MED27: variants seen among roughly 807,000 people sequenced by gnomAD.
MED27 encodes mediator of RNA polymerase II transcription subunit 27.
In MED27, 30 loss-of-function variants were observed where a neutral mutation model predicts 38.2. That is an observed-to-expected ratio of 0.79 (90% CI 0.59 to 1.07). The LOEUF is 1.07. MED27 is among the 50% of genes least tolerant of loss of function. MED27 has a pLI of 0.00. For synonymous variants in MED27, 122 were observed against 153.5 expected, an observed-to-expected ratio of 0.79 and a Z score of 1.52; for missense variants, 289 against 397.5, an observed-to-expected ratio of 0.73 and a Z score of 2.32.
chr9:131,881,857 T>G (rs769781595), intron 6 of MED27, among the ~76,000 whole-genome samples: 4 of 133,112 alleles, frequency 3.0e-5, no homozygotes, highest in Non-Finnish European at 6.2e-5. Flanking sequence ...CAGGCTGGAG[T>G]GCAGTGGCTC....
At chr9:131,869,702 C>T (rs917634873) in intron 6 of MED27, among the ~76,000 whole-genome samples, 3 of 152,084 alleles carry the variant, frequency 2.0e-5, no homozygotes, top group Non-Finnish European at 1.5e-5. Flanking sequence ...AAGAGGAATG[C>T]GGGGATGGGG....
chr9:131,924,629 C>G (rs1004214453), intron 4 of MED27, among the ~76,000 whole-genome samples: 2 of 152,070 alleles, frequency 1.3e-5, no homozygotes, highest in African/African-American at 4.8e-5. Context: ...ACTCAATTTC[C>G]ACATGTACTT....
At chr9:131,998,531 C>T (rs141303076) in intron 3 of MED27, among the ~76,000 whole-genome samples, 63 of 152,222 alleles carry the variant, frequency 4.1e-4, no homozygotes, top group African/African-American at 1.5e-3. Flanking sequence ...GTTTTCATGA[C>T]GCTCTAAATA....
chr9:131,965,301 T>C (rs1331425826), intron 3 of MED27, among the ~76,000 whole-genome samples: 2 of 152,208 alleles, frequency 1.3e-5, no homozygotes, highest in Non-Finnish European at 2.9e-5. Flanking sequence ...AATGTGCTTC[T>C]AGCGCGAGGC....
At chr9:131,884,512 C>G (rs1356813842) in intron 5 of MED27, among the ~76,000 whole-genome samples, 2 of 152,150 alleles carry the variant, frequency 1.3e-5, no homozygotes, top group Non-Finnish European at 2.9e-5. Context: ...TTCTTATACT[C>G]CCTTGAGCTC....
chr9:132,075,571 G>A (rs1352511938), intron 2 of MED27, among the ~76,000 whole-genome samples: 1 of 152,188 alleles, frequency 6.6e-6, no homozygotes, highest in Non-Finnish European at 1.5e-5. Flanking sequence ...GGTGGGGGTT[G>A]AAGTAGGAAC....
chr9:131,882,857 G>A (rs1839072162), intron 6 of MED27, among the ~76,000 whole-genome samples: 1 of 151,792 alleles, frequency 6.6e-6, no homozygotes, highest in Non-Finnish European at 1.5e-5. Context: ...AGTTTCCTCT[G>A]TGGCCCTGGC....
chr9:132,005,377 T>C (rs1464291285), intron 3 of MED27, among the ~76,000 whole-genome samples: 6 of 152,332 alleles, frequency 3.9e-5, no homozygotes, highest in Non-Finnish European at 7.3e-5. Flanking sequence ...AGGCAAGGCC[T>C]TTCTCTGTTC....
intron 3 of MED27, among the ~76,000 whole-genome samples, chr9:131,942,155 A>G (rs1830800296): frequency 1.3e-5 from 2 of 152,208 alleles, no homozygotes; most frequent in Admixed American, 1.3e-4. Context: ...TTAATAAACA[A>G]TCTTTCCTGG....
At chr9:132,012,718 C>T (rs1340463073) in intron 3 of MED27, among the ~76,000 whole-genome samples, 1 of 152,086 alleles carries the variant, frequency 6.6e-6, no homozygotes, top group Non-Finnish European at 1.5e-5. Context: ...CTCTGTAGTC[C>T]CTTCCTAGCA....
chr9:131,992,144 A>G (rs1175541314), intron 3 of MED27, among the ~76,000 whole-genome samples: 1 of 152,208 alleles, frequency 6.6e-6, no homozygotes, highest in Admixed American at 6.5e-5. Context: ...TGTTAAGAAA[A>G]CAATGTCCTT....
intron 3 of MED27, among the ~76,000 whole-genome samples, chr9:131,962,620 T>C (rs1415502116): frequency 6.6e-6 from 1 of 152,170 alleles, no homozygotes; most frequent in Admixed American, 6.5e-5. Context: ...GGTCATAGTT[T>C]ACATGTAATC....
intron 3 of MED27, among the ~76,000 whole-genome samples, chr9:131,969,748 G>A (rs1344128635): frequency 6.6e-6 from 1 of 152,178 alleles, no homozygotes; most frequent in East Asian, 1.9e-4. Context: ...GTGGCTACTT[G>A]GAGGTGGTCA....
chr9:132,036,486 GC>G (rs1272270969), intron 2 of MED27, among the ~76,000 whole-genome samples: 1 of 152,230 alleles, frequency 6.6e-6, no homozygotes, highest in Non-Finnish European at 1.5e-5. Context: ...ACATGTGTGA[GC>G]CACTGCGTCT....
intron 3 of MED27, among the ~76,000 whole-genome samples, chr9:131,994,240 G>A (rs778400242): frequency 7.2e-5 from 11 of 152,204 alleles, no homozygotes; most frequent in Admixed American, 1.3e-4. Context: ...GGAACCTATC[G>A]ATGATGCTAA....
At chr9:132,048,506 T>A (rs967337305) in intron 2 of MED27, among the ~76,000 whole-genome samples, 4 of 152,226 alleles carry the variant, frequency 2.6e-5, no homozygotes, top group Admixed American at 2.6e-4. Flanking sequence ...AATTACAGAA[T>A]GTCAAGCTGT....
At position 131,883,176 on chromosome 9, in the gene MED27, G is replaced by A. The variant is rs1564267450; in HGVS notation, c.723+882C>T. 6.6e-6 allele frequency among the ~76,000 whole-genome samples: 1 copy of A among 152,210 alleles called. No homozygotes were observed. Among genetic ancestry groups the A allele is most frequent in the Non-Finnish European group, 1.5e-5 (1 of 68,036 alleles). ...CCTACCTTGGCCTCCCAAAGTGCTGGGGAGTGGACACCTGTTGTTGAGCTG... is the reference window on the plus strand; with the variant it reads ...CCTACCTTGGCCTCCCAAAGTGCTGAGGAGTGGACACCTGTTGTTGAGCTG... On this transcript the variant is annotated intron_variant, in intron 6 of 7. Transcript: ENST00000292035. The surrounding 1 kb of genome is among the most constrained non-coding windows in gnomAD (Gnocchi z 4.2).
chr9:132,018,587 C>G (rs1275068848), intron 2 of MED27, among the ~76,000 whole-genome samples: 1 of 152,190 alleles, frequency 6.6e-6, no homozygotes, highest in Non-Finnish European at 1.5e-5. Context: ...ATTCATCACA[C>G]CGATCATGTT....
chr9:131,964,281 TG>T (rs1458130208), intron 3 of MED27, among the ~76,000 whole-genome samples: 2 of 168 alleles, frequency 0.012, no homozygotes, highest in South Asian at 0.083. Context: ...CCAGCAGTGA[TG>T]GTGGTGGTTG....
Sources: gnomAD v4.1 joint callset for allele counts (sites outside exome capture counted in the v4.1 genomes callset) on GRCh38, gnomAD v4.1.1 for gene constraint, Gnocchi (gnomAD v3.1) non-coding constraint, MANE v1.5 for transcripts, NCBI Gene and HGNC (gene_info 2026-07-23, HGNC 2026-07-21) for gene names.